The following HDAC9 variants were observed in gnomAD, a reference collection of about 807,000 sequenced individuals.
The protein encoded by HDAC9 is MEF-2 interacting transcription repressor (MITR) protein.
Under a neutral mutation model 139.4 loss-of-function variants are expected in HDAC9, and 41 were observed. The ratio of observed to expected loss-of-function variants is 0.29; its 90% CI spans 0.23 to 0.38. The LOEUF is 0.38. Ranked by LOEUF, HDAC9 falls within the 10% of genes least tolerant of loss-of-function variation. HDAC9 has a pLI of 1.00. For missense variants in HDAC9, 1,147 were observed against 1,297.0 expected, an observed-to-expected ratio of 0.88 and a Z score of 1.78; for synonymous variants, 517 against 476.2, an observed-to-expected ratio of 1.09 and a Z score of -1.12.
At chr7:18,406,487 G>A (rs1788020562) in intron 1 of HDAC9, among the ~76,000 whole-genome samples, 1 of 151,848 alleles carries the variant, frequency 6.6e-6, no homozygotes, top group Non-Finnish European at 1.5e-5. Flanking sequence ...TCCGCCTCCC[G>A]GGTTTACGCC....
intron 1 of HDAC9, among the ~76,000 whole-genome samples, chr7:18,419,587 C>T (rs1789429319): frequency 6.6e-6 from 1 of 152,110 alleles, no homozygotes. Context: ...ATTCTATGCA[C>T]AATTTATTAC....
intron 23 of HDAC9, among the ~76,000 whole-genome samples, chr7:18,947,235 A>G (rs1394048567): frequency 6.6e-6 from 1 of 152,006 alleles, no homozygotes; most frequent in Non-Finnish European, 1.5e-5. Flanking sequence ...AGCAAATTAA[A>G]TGCAAAGAAA....
At position 18,836,678 on chromosome 7, in the gene HDAC9, G is replaced by A. The variant is rs1007106421; in HGVS notation, c.2684+681G>A. 5.3e-5 allele frequency among the ~76,000 whole-genome samples: 8 copies of A among 152,166 alleles called. No homozygotes were observed. In the East Asian group the frequency reaches 1.2e-3, roughly 22 times the overall value. ...AAGCAAATCAAAGGCTTCTCTTTGA[G>A]AGAATTTTAAAAATGAGCATTTCTT... On this transcript the variant is annotated intron_variant, in intron 21 of 25. Transcript: ENST00000686413.
chr7:18,831,352 T>G (rs1159374826), intron 19 of HDAC9, among the ~76,000 whole-genome samples: 2 of 152,210 alleles, frequency 1.3e-5, no homozygotes, highest in East Asian at 3.8e-4. Flanking sequence ...AAAGTTTTGT[T>G]TTTGTACAGT....
chr7:18,898,273 T>C (rs1332940439), intron 22 of HDAC9, among the ~76,000 whole-genome samples: 1 of 151,882 alleles, frequency 6.6e-6, no homozygotes, highest in Non-Finnish European at 1.5e-5. Context: ...GGAACATAGA[T>C]GAAGAAGTAC....
intron 1 of HDAC9, among the ~76,000 whole-genome samples, chr7:18,349,198 A>G (rs1380394738): frequency 6.6e-6 from 1 of 151,796 alleles, no homozygotes; most frequent in Non-Finnish European, 1.5e-5. Context: ...AGGCTTTTGC[A>G]TTTGTTGGTC....
intron 1 of HDAC9, among the ~76,000 whole-genome samples, chr7:18,100,490 C>A (rs1304904884): frequency 1.3e-5 from 2 of 151,958 alleles, no homozygotes; most frequent in African/African-American, 2.4e-5. Flanking sequence ...TTTTTCTTCT[C>A]CATATGTTAC....
At chr7:18,837,917 T>C (rs1796342590) in intron 21 of HDAC9, among the ~76,000 whole-genome samples, 1 of 152,092 alleles carries the variant, frequency 6.6e-6, no homozygotes, top group South Asian at 2.1e-4. Context: ...GGACACTTTA[T>C]ATTAGCAAAC....
chr7:18,088,285 A>G (rs1781926330), intron 1 of HDAC9, among the ~76,000 whole-genome samples: 1 of 152,206 alleles, frequency 6.6e-6, no homozygotes, highest in Non-Finnish European at 1.5e-5. Context: ...GAAAGCGAAG[A>G]GTTAATTTTT....
chr7:18,561,873 T>C (rs1362962790), intron 2 of HDAC9, among the ~76,000 whole-genome samples: 3 of 152,236 alleles, frequency 2.0e-5, no homozygotes, highest in Non-Finnish European at 4.4e-5. Flanking sequence ...TTGTTTCGCC[T>C]TTTGGCTACT....
intron 16 of HDAC9, among the ~76,000 whole-genome samples, chr7:18,780,409 C>G (rs1042110287): frequency 7.2e-5 from 11 of 151,986 alleles, no homozygotes; most frequent in Admixed American, 7.2e-4. Flanking sequence ...GTCTGTCTCC[C>G]TTGGGAAAAT....
At chr7:18,126,348 T>C (rs913290385) in intron 1 of HDAC9, among the ~76,000 whole-genome samples, 2 of 152,180 alleles carry the variant, frequency 1.3e-5, no homozygotes, top group Non-Finnish European at 2.9e-5. Context: ...GGTCAGTTTT[T>C]ACATTCTGAA....
intron 16 of HDAC9, among the ~76,000 whole-genome samples, chr7:18,781,852 A>G (rs1402113854): frequency 6.6e-6 from 1 of 152,114 alleles, no homozygotes; most frequent in African/African-American, 2.4e-5. Flanking sequence ...TTAAGTTACC[A>G]AATCAAGATG....
chr7:18,402,940 G>A (rs1787680592), intron 1 of HDAC9, among the ~76,000 whole-genome samples: 1 of 152,164 alleles, frequency 6.6e-6, no homozygotes, highest in African/African-American at 2.4e-5. Flanking sequence ...ATAAAACGCT[G>A]GCTGTGGCTT....
chr7:18,438,645 CGT>C (rs5882662), intron 1 of HDAC9, among the ~76,000 whole-genome samples: 110,779 of 147,908 alleles, frequency 0.75, 41,494 homozygotes, highest in East Asian at 0.89. Context: ...GCTGTGTGTG[CGT>C]GTGTGTGTGT....
chr7:18,281,463 C>G (rs1797101780), intron 2 of HDAC9, among the ~76,000 whole-genome samples: 1 of 152,168 alleles, frequency 6.6e-6, no homozygotes, highest in Non-Finnish European at 1.5e-5. Flanking sequence ...AACTGAGGAC[C>G]TGGTGAAGGT....
At chr7:18,654,392 T>G (rs1316567621) in intron 11 of HDAC9, among the ~76,000 whole-genome samples, 1 of 152,160 alleles carries the variant, frequency 6.6e-6, no homozygotes, top group Non-Finnish European at 1.5e-5. Flanking sequence ...ATTTAAAAAC[T>G]ATCAGCTCAC....
At chr7:18,667,282 G>C in intron 12 of HDAC9, 1 of 984,930 alleles carries the variant, frequency 1.0e-6, no homozygotes, top group Non-Finnish European at 1.2e-6. Context: ...GGTCCAATCA[G>C]ATACAATATT....
At chr7:18,405,009 T>C (rs1428960351) in intron 1 of HDAC9, among the ~76,000 whole-genome samples, 2 of 152,188 alleles carry the variant, frequency 1.3e-5, no homozygotes, top group African/African-American at 4.8e-5. Context: ...ATGGGGACTA[T>C]GTGGACACAC....
Sources: gnomAD v4.1 joint callset for allele counts (sites outside exome capture counted in the v4.1 genomes callset) on GRCh38, gnomAD v4.1.1 for gene constraint, MANE v1.5 for transcripts, NCBI Gene and HGNC (gene_info 2026-07-23, HGNC 2026-07-21) for gene names.